LAPTM4B: variants seen among roughly 807,000 people sequenced by gnomAD.
LAPTM4B encodes the protein lysosomal protein transmembrane 4 beta, also known as lysosomal-associated transmembrane protein 4B.
Under a neutral mutation model 28.5 loss-of-function variants are expected in LAPTM4B, and 26 were observed. The observed-to-expected ratio is 0.91, with a 90% CI of 0.67 to 1.27. The LOEUF is 1.27. LAPTM4B is among the 50% of genes most tolerant of loss of function. The probability of loss-of-function intolerance (pLI) is 0.00; values close to 1 mark genes in which losing one functional copy is unlikely to be tolerated. For synonymous variants in LAPTM4B, 109 were observed against 106.4 expected, an observed-to-expected ratio of 1.02 and a Z score of -0.15; for missense variants, 288 against 285.8, an observed-to-expected ratio of 1.01 and a Z score of -0.06.
intron 6 of LAPTM4B, among the ~76,000 whole-genome samples, chr8:97,838,916 C>G (rs1256024569): frequency 6.6e-6 from 1 of 152,164 alleles, no homozygotes; most frequent in East Asian, 1.9e-4. Context: ...ACCAGGGCAG[C>G]TGCTTATCTA....
At position 97,778,312 on chromosome 8, in the gene LAPTM4B, CT is replaced by C. The variant is rs569574870; in HGVS notation, c.99+2216del. ...CAATGTAAGCCTTTTTCTTTTCTTTCTTTTTTTTTTTTAAAGTAGTGATTTT... is the reference window on the plus strand; with the variant it reads ...CAATGTAAGCCTTTTTCTTTTCTTTCTTTTTTTTTTTAAAGTAGTGATTTT... On this transcript the variant is annotated intron_variant, in intron 1 of 6. Coordinates refer to ENST00000521545, the MANE Select transcript of LAPTM4B (RefSeq NM_018407.6). 4.1e-3 allele frequency among the ~76,000 whole-genome samples: 592 copies of C among 143,386 alleles called. 1 individual carries two copies. Among genetic ancestry groups the C allele is most frequent in the African/African-American group, 7.3e-3 (287 of 39,458 alleles). 94.1% of individuals were successfully genotyped at this position (143,386 alleles called of 152,430 possible).
rs369121736 is a variant in LAPTM4B at position 97,789,254 on chromosome 8, T to C, written c.99+13146T>C. Reference sequence around the variant, plus strand: ...ACGCCCGGCTAATTTTTTGTATTTTTAGTAGAGATGGGGTTTCACCATGTT... The same window carrying C: ...ACGCCCGGCTAATTTTTTGTATTTTCAGTAGAGATGGGGTTTCACCATGTT... On this transcript the variant is annotated intron_variant, in intron 1 of 6. Transcript: ENST00000521545. Among the ~76,000 whole-genome samples, 14 of 151,618 alleles carry C rather than the reference T, an allele frequency of 9.2e-5. 1 individual carries two copies. In the East Asian group the frequency reaches 1.6e-3, roughly 17 times the overall value.
intron 6 of LAPTM4B, among the ~76,000 whole-genome samples, chr8:97,840,448 A>T (rs1265984402): frequency 6.6e-6 from 1 of 152,230 alleles, no homozygotes; most frequent in Non-Finnish European, 1.5e-5. Flanking sequence ...ATCTACCTCT[A>T]TCTTGTTTGC....
intron 6 of LAPTM4B, among the ~76,000 whole-genome samples, chr8:97,828,150 A>C (rs1817122040): frequency 6.6e-6 from 1 of 152,156 alleles, no homozygotes; most frequent in Admixed American, 6.5e-5. Flanking sequence ...ATAATGGAAA[A>C]ACAAAAATGA....
chr8:97,837,195 C>CTTTTTTTTTTTTTTTTT (rs55645609), intron 6 of LAPTM4B, among the ~76,000 whole-genome samples: 1 of 136,994 alleles, frequency 7.3e-6, no homozygotes. Flanking sequence ...CCTCCTGCCA[C>CTTTTTTTTTTTTTTTTT]TTTTTTTTTT....
intron 1 of LAPTM4B, among the ~76,000 whole-genome samples, chr8:97,787,383 T>A (rs532647845): frequency 1.3e-5 from 2 of 151,572 alleles, no homozygotes; most frequent in Admixed American, 6.6e-5. Context: ...CCTCCCAGGT[T>A]CACGCCATTC....
intron 6 of LAPTM4B, among the ~76,000 whole-genome samples, chr8:97,832,264 C>G (rs947842438): frequency 5.3e-5 from 8 of 152,144 alleles, no homozygotes; most frequent in Admixed American, 5.2e-4. Context: ...TTCAACTGCA[C>G]GTTCCCACCT....
At position 97,802,007 on chromosome 8, in the gene LAPTM4B, T is replaced by TA. The variant is rs1475735836; in HGVS notation, c.100-3344dup. ...GAAAGTTTTCTTCAGATAGTTTTGT[T>TA]AATCACACTGTTTAAAATGTGCTAT... On this transcript the variant is annotated intron_variant, in intron 1 of 6. Coordinates refer to ENST00000521545, the MANE Select transcript of LAPTM4B (RefSeq NM_018407.6). Among the ~76,000 whole-genome samples the TA allele has an allele frequency of 5.9e-5, 9 of 152,344 alleles. No homozygotes were observed. In the South Asian group the frequency reaches 1.7e-3, roughly 28 times the overall value.
intron 6 of LAPTM4B, among the ~76,000 whole-genome samples, chr8:97,844,641 C>T (rs1357067725): frequency 6.6e-6 from 1 of 152,192 alleles, no homozygotes; most frequent in African/African-American, 2.4e-5. Context: ...CTTCAAACAG[C>T]ATGGTACTCC....
intron 6 of LAPTM4B, among the ~76,000 whole-genome samples, chr8:97,832,172 C>T (rs1030681583): frequency 6.6e-5 from 10 of 152,044 alleles, no homozygotes; most frequent in Non-Finnish European, 1.3e-4. Flanking sequence ...TCTATTTTTC[C>T]CCTTTGAAAG....
At chr8:97,811,143 C>T (rs1276261106) in intron 2 of LAPTM4B, among the ~76,000 whole-genome samples, 1 of 152,178 alleles carries the variant, frequency 6.6e-6, no homozygotes, top group Admixed American at 6.5e-5. Flanking sequence ...ACAGCTGGAA[C>T]TCTCAAATCA....
chr8:97,792,180 CCAA>C (rs1442732007), intron 1 of LAPTM4B, among the ~76,000 whole-genome samples: 17 of 152,172 alleles, frequency 1.1e-4, no homozygotes, highest in African/African-American at 3.9e-4. Context: ...CCATTATAGT[CCAA>C]CTCCAAGGAT....
chr8:97,834,559 GTGTGTGTGTTTA>G (rs1457178754), intron 6 of LAPTM4B, among the ~76,000 whole-genome samples: 1 of 151,968 alleles, frequency 6.6e-6, no homozygotes, highest in Admixed American at 6.6e-5. Context: ...GTGTGTGTGT[GTGTGTGTGTTTA>G]TGTGTGTGTG....
intron 1 of LAPTM4B, among the ~76,000 whole-genome samples, chr8:97,782,060 A>T (rs1336829285): frequency 3.3e-5 from 5 of 149,954 alleles, no homozygotes. Context: ...GGCTCACCGC[A>T]ACCTCCGACT....
chr8:97,808,507 G>C (rs1816786022), intron 2 of LAPTM4B, among the ~76,000 whole-genome samples: 1 of 152,026 alleles, frequency 6.6e-6, no homozygotes, highest in African/African-American at 2.4e-5. Flanking sequence ...CCACACATGA[G>C]TTAAATATGG....
At chr8:97,839,121 CT>C (rs1285164566) in intron 6 of LAPTM4B, among the ~76,000 whole-genome samples, 1 of 152,194 alleles carries the variant, frequency 6.6e-6, no homozygotes, top group Non-Finnish European at 1.5e-5. Context: ...GAGGTTCAGG[CT>C]GACAGTATGT....
At chr8:97,829,713 CAA>C (rs1185771160) in intron 6 of LAPTM4B, among the ~76,000 whole-genome samples, 1 of 147,924 alleles carries the variant, frequency 6.8e-6, no homozygotes, top group Non-Finnish European at 1.5e-5. Flanking sequence ...TTTTTTGAGA[CAA>C]GAGTCTTGCT....
At chr8:97,777,320 G>A (rs1816238205) in intron 1 of LAPTM4B, among the ~76,000 whole-genome samples, 1 of 151,508 alleles carries the variant, frequency 6.6e-6, no homozygotes, top group East Asian at 1.9e-4. Flanking sequence ...CTAATTTTTT[G>A]TATTTTTAGT....
chr8:97,778,938 AAG>A (rs1816267784), intron 1 of LAPTM4B, among the ~76,000 whole-genome samples: 1 of 152,166 alleles, frequency 6.6e-6, no homozygotes, highest in South Asian at 2.1e-4. Context: ...GAACTTTTTT[AAG>A]AGAGTTTGTG....
Sources: allele counts gnomAD v4.1 joint callset (sites outside exome capture counted in the v4.1 genomes callset), GRCh38; gene constraint gnomAD v4.1.1; transcripts MANE v1.5; gene names NCBI Gene and HGNC (gene_info 2026-07-23, HGNC 2026-07-21).